Variants in ZMYND10 observed in about 807,000 individuals in gnomAD.
ZMYND10 encodes zinc finger MYND domain-containing protein 10.
A neutral mutation model predicts 62.6 loss-of-function variants in ZMYND10; 52 were observed. The ratio of observed to expected loss-of-function variants is 0.83; its 90% CI spans 0.67 to 1.05. The LOEUF is 1.05. Among genes scored for constraint, ZMYND10 ranks in the 50% least tolerant of loss-of-function variants. The pLI is 0.00. For missense variants in ZMYND10, 438 were observed against 543.3 expected, an observed-to-expected ratio of 0.81 and a Z score of 1.93; for synonymous variants, 197 against 218.5, an observed-to-expected ratio of 0.90 and a Z score of 0.87.
In ZMYND10 at chr3:50,343,107, G is replaced by A. The variant is rs200017231; in HGVS notation, c.599+11C>T. The A allele has an allele frequency of 1.3e-5, 21 of 1,614,046 alleles. No homozygotes were observed. The highest frequency in any genetic ancestry group is 4.0e-5 in the African/African-American group (3 of 74,930). On this transcript the variant is annotated intron_variant, in intron 6 of 11. Transcript: ENST00000231749. ...CTCCACAGTAGGCCCAGGCCCAGTC[G>A]GACTGCTCACCTGTCCACACAGTCT...
chr3:50,342,842 G>A (rs1703428885), intron 7 of ZMYND10, 76 bp downstream of exon 7: 2 of 1,543,178 alleles, frequency 1.3e-6, no homozygotes, highest in Non-Finnish European at 1.8e-6. Flanking sequence ...CTTCGTGTGT[G>A]CAAGCTGCCC....
chr3:50,343,869 AG>A lies in ZMYND10; in HGVS notation c.202-20del, dbSNP rs759939872. The A allele has an allele frequency of 3.7e-6, 6 of 1,612,344 alleles. No individual in the cohort carries two copies. The highest frequency in any genetic ancestry group is 3.4e-6 in the Non-Finnish European group (4 of 1,178,798). The stretch of plus-strand genomic sequence containing the variant: ...TTGGGACCTTTGAAGGGTAGGGTAA[AG>A]GACAGGGATGAGATGGGCCTACCTT... On this transcript the variant is annotated intron_variant, in intron 2 of 11. Coordinates refer to ENST00000231749, the MANE Select transcript of ZMYND10 (RefSeq NM_015896.4).
intron 5 of ZMYND10, 49 bp from the exon 6 acceptor site, chr3:50,343,255 C>A (rs1294088639): frequency 1.2e-6 from 2 of 1,613,804 alleles, no homozygotes; most frequent in Non-Finnish European, 1.7e-6. Context: ...CCTGCGCAGG[C>A]CTTGGGGAAC....
At position 50,345,184 on chromosome 3, in the gene ZMYND10, G is replaced by A. The variant is rs1256847792; in HGVS notation, c.141C>T (p.Ile47=). Reference sequence around the variant, plus strand: ...CGCCCTGGCTGACTGTGGCATCGAGGATGGCTTGCATGTTCAGCTTCTCCA... The same window carrying A: ...CGCCCTGGCTGACTGTGGCATCGAGAATGGCTTGCATGTTCAGCTTCTCCA... ...ENLEKLNMQA[I]LDATVSQGEP... The change falls in exon 2 of 12, where the codon ATC becomes ATT. Residue 47 remains isoleucine (I), a synonymous_variant. Transcript: ENST00000231749. This position sits in a 1 kb window ranked among gnomAD's most constrained non-coding sequence, Gnocchi z 5.0. 1 of 1,614,074 alleles carries A rather than the reference G, an allele frequency of 6.2e-7. No homozygotes were observed. The highest frequency in any genetic ancestry group is 8.5e-7 in the Non-Finnish European group (1 of 1,179,998).
intron 9 of ZMYND10, 31 bp downstream of exon 9, chr3:50,341,984 G>A (rs1311794415): frequency 1.1e-5 from 17 of 1,614,100 alleles, no homozygotes; most frequent in Non-Finnish European, 2.5e-6. Context: ...GTGGGACAGT[G>A]GTCCTGAGCA....
chr3:50,342,814 C>T, intron 7 of ZMYND10, 104 bp downstream of exon 7: 1 of 1,482,186 alleles, frequency 6.7e-7, no homozygotes, highest in Admixed American at 2.0e-5. Context: ...CCTCAGTGGG[C>T]TTGGGGACAG....
chr3:50,343,507 C>T, intron 4 of ZMYND10, 56 bp downstream of exon 4: 1 of 1,614,172 alleles, frequency 6.2e-7, no homozygotes, highest in South Asian at 1.1e-5. Flanking sequence ...CACAATCTCC[C>T]TTCCTGCCAG....
chr3:50,344,617 C>CTTTT (rs10563378), intron 2 of ZMYND10, among the ~76,000 whole-genome samples: 2 of 128,738 alleles, frequency 1.6e-5, no homozygotes, highest in Non-Finnish European at 3.3e-5. Flanking sequence ...CCATGCCCGG[C>CTTTT]TTTTTTTTTT....
chr3:50,343,653 G>T, intron 3 of ZMYND10, 37 bp from the exon 4 acceptor site: 3 of 1,614,064 alleles, frequency 1.9e-6, no homozygotes, highest in Non-Finnish European at 2.5e-6. Context: ...CTGAGGAAGG[G>T]ATAGGGGCTA....
At chr3:50,344,171 T>A in intron 2 of ZMYND10, 1 of 386,886 alleles carries the variant, frequency 2.6e-6, no homozygotes, top group Admixed American at 4.0e-5. Context: ...GCCCTTCTCC[T>A]CATGCCCTCC....
At position 50,342,995 on chromosome 3, in the gene ZMYND10, C is replaced by T. The variant is rs368114874; in HGVS notation, c.623G>A (p.Arg208His). The change falls in exon 7 of 12, where the codon CGT becomes CAT. Residue 208 changes from arginine (R) to histidine (H), a missense_variant. Transcript: ENST00000231749. ...VDSLSLSTLS[R>H]MLSTHNLPCL... ...GGGCAGGTTGTGTGTGCTAAGCATA[C>T]GGCTCAAGGTGCTGAGAGAGAGGCT... is the stretch of plus-strand genomic sequence containing the variant. 2.8e-5 allele frequency: 45 copies of T among 1,613,990 alleles called. No individual in the cohort carries two copies. The highest frequency in any genetic ancestry group is 4.4e-5 in the South Asian group (4 of 91,082).
At position 50,345,063 on chromosome 3, in the gene ZMYND10, G is replaced by T; in HGVS notation, c.201+61C>A. 1 of 1,471,180 alleles carries T rather than the reference G, an allele frequency of 6.8e-7. No individual in the cohort carries two copies. Among genetic ancestry groups the T allele is most frequent in the South Asian group, 1.2e-5 (1 of 85,548 alleles). 91.1% of individuals were successfully genotyped at this position (1,471,180 alleles called of 1,614,324 possible). ...GGGGAAGGGCACACAGGGGACTCCG[G>T]AGGGGTAGAGTAGGTGAGGTATGGG... is the stretch of plus-strand genomic sequence containing the variant. On this transcript the variant is annotated intron_variant, in intron 2 of 11. Transcript: ENST00000231749. This position sits in a 1 kb window ranked among gnomAD's most constrained non-coding sequence, Gnocchi z 5.0.
Position 50,345,507 on chromosome 3 carries a change from G to A in ZMYND10, c.73C>T (p.Arg25Cys). 6.2e-7 allele frequency: 1 copy of A among 1,607,036 alleles called. No individual in the cohort carries two copies. The highest frequency in any genetic ancestry group is 1.1e-5 in the South Asian group (1 of 89,540). Reference sequence around the variant, plus strand: ...CCTCACCCTTCGGAGCCCATCTCGCGTAGCGGGAAGCTGCGCAGACCCCGC... The same window carrying A: ...CCTCACCCTTCGGAGCCCATCTCGCATAGCGGGAAGCTGCGCAGACCCCGC... ...LVRGLRSFPL[R>C]EMGSEGWNQQ... The change falls in exon 1 of 12, where the codon CGC (arginine) becomes TGC (cysteine). Residue 25 changes from arginine (R) to cysteine (C), a missense_variant. By Grantham distance (180) the Arg-to-Cys change is radical. Transcript: ENST00000231749. The surrounding 1 kb of genome is among the most constrained non-coding windows in gnomAD (Gnocchi z 5.0).
chr3:50,342,597 G>A (rs775959642), intron 7 of ZMYND10, 28 bp from the exon 8 acceptor site: 3 of 1,599,878 alleles, frequency 1.9e-6, no homozygotes, highest in East Asian at 2.2e-5. Flanking sequence ...CACACTGGGT[G>A]CAGACGTTGA....
intron 4 of ZMYND10, 49 bp downstream of exon 4, chr3:50,343,514 C>T: frequency 6.2e-7 from 1 of 1,614,160 alleles, no homozygotes; most frequent in Non-Finnish European, 8.5e-7. Flanking sequence ...TCCCTTCCTG[C>T]CAGGCCCTGA....
At position 50,343,337 on chromosome 3, in the gene ZMYND10, C is replaced by T. The variant is rs138071787; in HGVS notation, c.480G>A (p.Gly160=). The T allele has an allele frequency of 1.0e-4, 161 of 1,612,572 alleles. No homozygotes were observed. In the African/African-American group the frequency reaches 1.9e-3, roughly 19 times the overall value. Residue 160 remains glycine (G), a synonymous_variant, in exon 5 of 12, where the codon GGG becomes GGA. Transcript: ENST00000231749. ...AQSGCGGPPE[G]EGSQDSNPMQ... ...TGGGGTTGCTGTCCTGGGATCCCTC[C>T]CCCTCAGGGGGGCCACCACAGCCAC...
intron 8 of ZMYND10, 26 bp downstream of exon 8, chr3:50,342,371 G>A (rs1435103479): frequency 1.3e-6 from 2 of 1,558,786 alleles, no homozygotes; most frequent in East Asian, 2.4e-5. Flanking sequence ...CTGGGGCTGT[G>A]GGGGCTGGTG....
chr3:50,341,824 C>A lies in ZMYND10; in HGVS notation c.1107G>T (p.Arg369=), dbSNP rs1703388579. Residue 369 remains arginine, a synonymous_variant, in exon 10 of 12, where the codon CGG becomes CGT. Transcript: ENST00000231749. ...ACAGGCCTTACCTTCGCGCCTGCAG[C>A]CGCAGGTCCTGCTCTGAGGGGCTGA... ...HVFSPSEQDL[R]LQARRWAETY... is the part of the protein sequence containing the mutation. The A allele has an allele frequency of 3.7e-6, 6 of 1,614,056 alleles. No homozygotes were observed. The highest frequency in any genetic ancestry group is 5.1e-6 in the Non-Finnish European group (6 of 1,179,982).
chr3:50,343,511 C>T, intron 4 of ZMYND10, 52 bp downstream of exon 4: 1 of 1,614,192 alleles, frequency 6.2e-7, no homozygotes. Flanking sequence ...ATCTCCCTTC[C>T]TGCCAGGCCC....
Sources: allele counts gnomAD v4.1 joint callset (sites outside exome capture counted in the v4.1 genomes callset), GRCh38; gene constraint gnomAD v4.1.1; non-coding constraint Gnocchi (gnomAD v3.1); transcripts MANE v1.5; gene names NCBI Gene and HGNC (gene_info 2026-07-23, HGNC 2026-07-21).